The following EGFLAM variants were observed in gnomAD, a reference collection of about 807,000 sequenced individuals.
The protein encoded by EGFLAM is pikachurin.
A neutral mutation model predicts 113.1 loss-of-function variants in EGFLAM; 79 were observed. The observed-to-expected ratio is 0.70, with a 90% confidence interval of 0.58 to 0.84. The LOEUF is 0.84. Ranked by LOEUF, EGFLAM falls within the 40% of genes least tolerant of loss-of-function variation. The pLI is 0.00. For synonymous variants in EGFLAM, 504 were observed against 487.6 expected (o/e 1.03, Z -0.44); for missense variants, 1,265 against 1,291.6 (o/e 0.98, Z 0.32).
intron 11 of EGFLAM, 137 bp downstream of exon 11, chr5:38,412,785 T>A (rs1050770411): frequency 4.5e-6 from 6 of 1,336,414 alleles, no homozygotes; most frequent in Non-Finnish European, 6.0e-6. Flanking sequence ...CTATTTCTCA[T>A]GGTGAACCCA....
intron 1 of EGFLAM, among the ~76,000 whole-genome samples, chr5:38,307,481 G>A (rs968657025): frequency 1.3e-5 from 2 of 152,224 alleles, no homozygotes; most frequent in African/African-American, 4.8e-5. Flanking sequence ...AGAAGGACAT[G>A]TTTCCTTCAC....
In EGFLAM at chr5:38,337,647, G is replaced by A. The variant is rs1300222474; in HGVS notation, c.207+18G>A. 3 of 1,576,260 alleles carry A rather than the reference G, an allele frequency of 1.9e-6. No individual in the cohort carries two copies. Among genetic ancestry groups the A allele is most frequent in the East Asian group, 2.3e-5 (1 of 43,498 alleles). On this transcript the variant is annotated intron_variant, in intron 2 of 21. Transcript: ENST00000322350. Reference sequence around the variant, plus strand: ...GGTACACTGTGAGTACACGGGCATGGGAGTTTCCTCGGTGGGTGTGTCGTG... The same window carrying A: ...GGTACACTGTGAGTACACGGGCATGAGAGTTTCCTCGGTGGGTGTGTCGTG...
At chr5:38,273,543 G>A (rs1428257) in intron 1 of EGFLAM, among the ~76,000 whole-genome samples, 62,760 of 151,970 alleles carry the variant, frequency 0.41, 13,472 homozygotes, top group Middle Eastern at 0.57. Context: ...CTTAGCAGCC[G>A]TGAGATTCTA....
chr5:38,452,683 T>G (rs1323307806), intron 19 of EGFLAM, among the ~76,000 whole-genome samples: 1 of 152,166 alleles, frequency 6.6e-6, no homozygotes, highest in African/African-American at 2.4e-5. Flanking sequence ...GGAAGGAGAA[T>G]CCCTGCTTTC....
chr5:38,347,982 G>A (rs74324082), intron 3 of EGFLAM, among the ~76,000 whole-genome samples: 1 of 152,006 alleles, frequency 6.6e-6, no homozygotes, highest in Non-Finnish European at 1.5e-5. Context: ...GGTAACTGAT[G>A]AGATGGTGGT....
intron 20 of EGFLAM, 55 bp downstream of exon 20, chr5:38,458,449 G>A: frequency 6.4e-7 from 1 of 1,569,444 alleles, no homozygotes; most frequent in Non-Finnish European, 8.7e-7. Context: ...GGTGGGATGT[G>A]GTGTCCAGTT....
At chr5:38,436,392 C>T (rs1742350928) in intron 16 of EGFLAM, among the ~76,000 whole-genome samples, 2 of 152,080 alleles carry the variant, frequency 1.3e-5, no homozygotes, top group Non-Finnish European at 2.9e-5. Context: ...TGAAAGAAGT[C>T]CCTCCTTTCA....
In EGFLAM at chr5:38,352,129, G is replaced by A; in HGVS notation, c.410-67G>A. 3 of 1,605,360 alleles carry A rather than the reference G, an allele frequency of 1.9e-6. No individual in the cohort carries two copies. The South Asian group carries it at 3.3e-5, about 18-fold the overall frequency. ...TCCAATGGCTGAGACCACCAGCCTA[G>A]CCCATTAAACCTCTCCAACGGCTGA... On this transcript the variant is annotated intron_variant, in intron 4 of 21. Coordinates refer to ENST00000322350, the MANE Select transcript of EGFLAM (RefSeq NM_152403.4).
At chr5:38,429,566 C>T (rs144137512) in intron 14 of EGFLAM, among the ~76,000 whole-genome samples, 15 of 152,294 alleles carry the variant, frequency 9.8e-5, no homozygotes, top group African/African-American at 2.6e-4. Flanking sequence ...CACTATAAAA[C>T]GTAATGAGTA....
Position 38,451,434 on chromosome 5 carries a change from T to C in EGFLAM, c.2663T>C (p.Leu888Pro), listed in dbSNP as rs1349728910. ...AACAGCGACTTCATTTCCTTGGGCC[T>C]TCGGGATGGAGCCCTCGTGTTCAGG... is the stretch of plus-strand genomic sequence containing the variant. ...RPNSDFISLG[L>P]RDGALVFSYN... The change falls in exon 19 of 22, where the codon CTT (leucine) becomes CCT (proline). Residue 888 changes from leucine (L) to proline (P), a missense_variant. Coordinates refer to ENST00000322350, the MANE Select transcript of EGFLAM (RefSeq NM_152403.4). The C allele has an allele frequency of 1.2e-6, 2 of 1,614,198 alleles. No individual in the cohort carries two copies. The highest frequency in any genetic ancestry group is 2.7e-5 in the African/African-American group (2 of 75,056).
intron 6 of EGFLAM, among the ~76,000 whole-genome samples, chr5:38,379,185 C>T (rs116478558): frequency 0.011 from 1,739 of 152,196 alleles, 33 homozygotes; most frequent in African/African-American, 0.04. Flanking sequence ...TTGGTTGTGT[C>T]GGGGAGGGAA....
intron 9 of EGFLAM, 70 bp downstream of exon 9, chr5:38,407,975 G>A: frequency 1.6e-6 from 2 of 1,280,778 alleles, no homozygotes; most frequent in Non-Finnish European, 2.3e-6. Context: ...ACATTCAAAG[G>A]CTGGGGGAGA....
intron 5 of EGFLAM, among the ~76,000 whole-genome samples, chr5:38,355,949 G>A (rs2111997578): frequency 6.6e-6 from 1 of 152,070 alleles, no homozygotes; most frequent in African/African-American, 2.4e-5. Flanking sequence ...TTAGTAAGAT[G>A]GGGTTTCACC....
chr5:38,263,255 C>T (rs566718633), intron 1 of EGFLAM, among the ~76,000 whole-genome samples: 4 of 152,182 alleles, frequency 2.6e-5, no homozygotes, highest in African/African-American at 7.2e-5. Context: ...TGAAGCCAGG[C>T]GTTTGAGACC....
At chr5:38,310,334 T>C (rs142629449) in intron 1 of EGFLAM, among the ~76,000 whole-genome samples, 31 of 152,320 alleles carry the variant, frequency 2.0e-4, no homozygotes, top group African/African-American at 7.2e-4. Flanking sequence ...TTACTATCTG[T>C]ACACTTTGTA....
At chr5:38,435,331 T>A in intron 16 of EGFLAM, 78 bp downstream of exon 16, 1 of 1,066,202 alleles carries the variant, frequency 9.4e-7, no homozygotes, top group African/African-American at 1.6e-5. Context: ...ATCAGTGTCA[T>A]CTGCTGCACC....
intron 10 of EGFLAM, 55 bp downstream of exon 10, chr5:38,409,159 ATTTGCC>A (rs1399013035): frequency 2.9e-6 from 4 of 1,387,150 alleles, no homozygotes; most frequent in African/African-American, 1.5e-5. Flanking sequence ...CTTACATTAT[ATTTGCC>A]TTTTTATAGT....
chr5:38,320,767 C>T (rs1164013217), intron 1 of EGFLAM, among the ~76,000 whole-genome samples: 3 of 152,078 alleles, frequency 2.0e-5, no homozygotes, highest in Non-Finnish European at 4.4e-5. Flanking sequence ...GGAGACAGGG[C>T]TCTGGAGCAA....
In EGFLAM at chr5:38,318,797, C is replaced by T. The variant is rs564429772; in HGVS notation, c.98-18723C>T. Among the ~76,000 whole-genome samples the T allele has an allele frequency of 7.8e-4, 119 of 152,288 alleles. 1 individual carries two copies. The South Asian group carries it at 0.024, about 30-fold the overall frequency. On this transcript the variant is annotated intron_variant, in intron 1 of 21. Transcript: ENST00000322350. ...AGGATTACAGGCATGAGCCACCATG[C>T]TTGCCCTCTGGTGTTTTAATGTGAT...
Sources: allele counts gnomAD v4.1 joint callset (sites outside exome capture counted in the v4.1 genomes callset), GRCh38; gene constraint gnomAD v4.1.1; transcripts MANE v1.5; gene names NCBI Gene and HGNC (gene_info 2026-07-23, HGNC 2026-07-21).